The following ATXN1 variants were observed in gnomAD, a reference collection of about 807,000 sequenced individuals.
The protein encoded by ATXN1 is ataxin 1, also known as ataxin-1.
In ATXN1, 8 loss-of-function variants were observed where a neutral mutation model predicts 56.4. The observed-to-expected ratio is 0.14, with a 90% CI of 0.08 to 0.26. The LOEUF (loss-of-function observed/expected upper bound fraction) is 0.26. Ranked by LOEUF, ATXN1 falls within the 10% of genes least tolerant of loss-of-function variation. ATXN1 has a pLI of 1.00. For synonymous variants in ATXN1, 514 were observed against 494.6 expected (o/e 1.04, Z -0.52); for missense variants, 987 against 1,106.5 (o/e 0.89, Z 1.53).
At chr6:16,479,097 G>T (rs979442021) in intron 6 of ATXN1, among the ~76,000 whole-genome samples, 11 of 152,292 alleles carry the variant, frequency 7.2e-5, no homozygotes, top group African/African-American at 2.6e-4. Flanking sequence ...AAACCTGTCT[G>T]AGTTTTGGAA....
At chr6:16,652,474 T>C (rs1396357381) in intron 3 of ATXN1, among the ~76,000 whole-genome samples, 1 of 152,162 alleles carries the variant, frequency 6.6e-6, no homozygotes, top group Non-Finnish European at 1.5e-5. Flanking sequence ...TGCAAGGAAA[T>C]AGTTTACATG....
chr6:16,421,655 T>TGGG (rs145977640), intron 6 of ATXN1, among the ~76,000 whole-genome samples: 1 of 47,720 alleles, frequency 2.1e-5, no homozygotes, highest in African/African-American at 8.0e-5. Flanking sequence ...CACGGGAGGG[T>TGGG]GGGGGGGGCG....
intron 3 of ATXN1, among the ~76,000 whole-genome samples, chr6:16,602,568 C>G (rs1299831807): frequency 6.6e-6 from 1 of 152,014 alleles, no homozygotes; most frequent in Non-Finnish European, 1.5e-5. Flanking sequence ...TCTCTTGCCT[C>G]AGCCTCCCAA....
chr6:16,373,876 G>A (rs1019592205), intron 6 of ATXN1, among the ~76,000 whole-genome samples: 1 of 152,060 alleles, frequency 6.6e-6, no homozygotes. Context: ...CTAATACAGG[G>A]CATCACACCC....
intron 2 of ATXN1, among the ~76,000 whole-genome samples, chr6:16,725,740 T>A (rs1759834855): frequency 6.6e-6 from 1 of 152,222 alleles, no homozygotes; most frequent in Non-Finnish European, 1.5e-5. Flanking sequence ...TTTCACAAGC[T>A]GACTATGTTT....
At chr6:16,348,279 G>A (rs1302717363) in intron 6 of ATXN1, among the ~76,000 whole-genome samples, 9 of 152,040 alleles carry the variant, frequency 5.9e-5, no homozygotes, top group Admixed American at 5.9e-4. Flanking sequence ...TGTGCAGGCT[G>A]GTCTCAAACT....
intron 4 of ATXN1, among the ~76,000 whole-genome samples, chr6:16,550,780 G>A (rs1447836406): frequency 1.3e-5 from 2 of 152,128 alleles, no homozygotes; most frequent in African/African-American, 4.8e-5. Context: ...TTATCAAAAA[G>A]GATTAAGTTT....
At chr6:16,456,182 A>G (rs1561902892) in intron 6 of ATXN1, among the ~76,000 whole-genome samples, 2 of 152,206 alleles carry the variant, frequency 1.3e-5, no homozygotes, top group Non-Finnish European at 2.9e-5. Flanking sequence ...CTCACCGTGA[A>G]GGTCCGTGCC....
At chr6:16,368,226 G>T (rs547503243) in intron 6 of ATXN1, among the ~76,000 whole-genome samples, 1 of 151,752 alleles carries the variant, frequency 6.6e-6, no homozygotes, top group African/African-American at 2.4e-5. Context: ...GAATAGAAAG[G>T]TGACAATGTT....
intron 6 of ATXN1, among the ~76,000 whole-genome samples, chr6:16,391,734 AC>A (rs1478425006): frequency 6.6e-6 from 1 of 152,152 alleles, no homozygotes; most frequent in African/African-American, 2.4e-5. Flanking sequence ...TATGAACTAG[AC>A]TTTTCACCTG....
Position 16,306,995 on chromosome 6 carries a change from TCA to T in ATXN1, c.1918-138_1918-137del, listed in dbSNP as rs1760267366. 9.3e-7 allele frequency: 1 copy of T among 1,078,450 alleles called. No individual in the cohort carries two copies. Among genetic ancestry groups the T allele is most frequent in the African/African-American group, 1.6e-5 (1 of 62,400 alleles). 66.8% of individuals were successfully genotyped at this position (1,078,450 alleles called of 1,614,324 possible). ...CACAGGCTGAATGGGGGAAAATGAC[TCA>T]GTTTGCAAACCTCCCTCTCCCCCAG... On this transcript the variant is annotated intron_variant, in intron 7 of 7. Coordinates refer to ENST00000436367, the MANE Select transcript of ATXN1 (RefSeq NM_001128164.2). The surrounding 1 kb of genome is among the most constrained non-coding windows in gnomAD (Gnocchi z 5.2).
chr6:16,720,336 T>A (rs768709611), intron 2 of ATXN1, among the ~76,000 whole-genome samples: 1 of 152,218 alleles, frequency 6.6e-6, no homozygotes, highest in Non-Finnish European at 1.5e-5. Flanking sequence ...AGTCTACTTA[T>A]GCAATTTACT....
At chr6:16,546,158 C>T (rs1017032122) in intron 4 of ATXN1, among the ~76,000 whole-genome samples, 13 of 152,224 alleles carry the variant, frequency 8.5e-5, no homozygotes, top group Admixed American at 7.8e-4. Context: ...AAGGTTTTTT[C>T]ATGGAAAATT....
rs201819616 is a variant in ATXN1 at position 16,750,942 on chromosome 6, C to A, written c.-615+2291G>T. Among the ~76,000 whole-genome samples, 3 of 151,670 alleles carry A rather than the reference C, an allele frequency of 2.0e-5. No individual in the cohort carries two copies. The East Asian group carries it at 5.8e-4, about 29-fold the overall frequency. ...TAAGAGATAAAGTAGCAGTAAGACA[C>A]TCTACCTTTTTCTTTTCTTTCCTCT... On this transcript the variant is annotated intron_variant, in intron 2 of 7. Coordinates refer to ENST00000436367, the MANE Select transcript of ATXN1 (RefSeq NM_001128164.2).
At chr6:16,453,016 G>C (rs769528130) in intron 6 of ATXN1, among the ~76,000 whole-genome samples, 3 of 152,152 alleles carry the variant, frequency 2.0e-5, no homozygotes, top group Admixed American at 1.3e-4. Flanking sequence ...CAACATGCTA[G>C]TCGAAAGTGA....
chr6:16,370,548 G>C (rs1762019061), intron 6 of ATXN1, among the ~76,000 whole-genome samples: 2 of 152,260 alleles, frequency 1.3e-5, no homozygotes, highest in South Asian at 4.1e-4. Context: ...TAAAAATAAA[G>C]TGTGATCATA....
intron 6 of ATXN1, among the ~76,000 whole-genome samples, chr6:16,399,579 C>G (rs179938): frequency 0.049 from 7,409 of 152,258 alleles, 736 homozygotes; most frequent in East Asian, 0.44. Context: ...GTGGAGGTGG[C>G]AGCAAGCGGG....
intron 3 of ATXN1, among the ~76,000 whole-genome samples, chr6:16,608,055 T>C (rs928787134): frequency 3.3e-5 from 5 of 152,210 alleles, no homozygotes; most frequent in African/African-American, 7.2e-5. Context: ...CCAGCTGAAA[T>C]TGCTATGTGC....
At chr6:16,521,259 CT>C (rs1340544309) in intron 5 of ATXN1, among the ~76,000 whole-genome samples, 1 of 152,178 alleles carries the variant, frequency 6.6e-6, no homozygotes, top group Non-Finnish European at 1.5e-5. Context: ...ACCAACATAA[CT>C]TTAAAAAAAA....
Sources: gnomAD v4.1 joint callset for allele counts (sites outside exome capture counted in the v4.1 genomes callset) on GRCh38, gnomAD v4.1.1 for gene constraint, Gnocchi (gnomAD v3.1) non-coding constraint, MANE v1.5 for transcripts, NCBI Gene and HGNC (gene_info 2026-07-23, HGNC 2026-07-21) for gene names.